The following FANCI variants were observed in gnomAD, a reference collection of about 807,000 sequenced individuals.
The protein encoded by FANCI is FA complementation group I, also known as Fanconi anemia group I protein.
FANCI carries 156 observed loss-of-function variants against 176.1 expected under a neutral mutation model. That is an observed-to-expected ratio of 0.89 (90% CI 0.78 to 1.01). FANCI has a LOEUF of 1.01. FANCI is among the 50% of genes least tolerant of loss of function. The probability of loss-of-function intolerance (pLI) is 0.00; values close to 1 mark genes in which losing one functional copy is unlikely to be tolerated. For missense variants in FANCI, 1,678 were observed against 1,534.1 expected (o/e 1.09, Z -1.57); for synonymous variants, 613 against 541.7 (o/e 1.13, Z -1.83).
At chr15:89,261,779 C>T in intron 5 of FANCI, 38 bp downstream of exon 5, 2 of 1,614,066 alleles carry the variant, frequency 1.2e-6, no homozygotes, top group Non-Finnish European at 1.7e-6. Flanking sequence ...TTTCTCTATG[C>T]ACATAATCAA....
At chr15:89,283,076 A>G in intron 16 of FANCI, 60 bp from the exon 17 acceptor site, 2 of 1,560,776 alleles carry the variant, frequency 1.3e-6, no homozygotes, top group Non-Finnish European at 1.8e-6. Flanking sequence ...GATTTTTCTG[A>G]CCCAGAAGCA....
At chr15:89,300,836 G>A (rs2054500215) in intron 26 of FANCI, among the ~76,000 whole-genome samples, 1 of 152,228 alleles carries the variant, frequency 6.6e-6, no homozygotes, top group African/African-American at 2.4e-5. Context: ...CCTACCATGT[G>A]CCAGAAACAG....
intron 28 of FANCI, among the ~76,000 whole-genome samples, chr15:89,304,877 A>G (rs980066283): frequency 6.6e-6 from 1 of 152,122 alleles, no homozygotes; most frequent in Non-Finnish European, 1.5e-5. Context: ...CCTGGGTTCA[A>G]GCAATTCTCG....
intron 17 of FANCI, 32 bp from the exon 18 acceptor site, chr15:89,285,064 G>T (rs1555446689): frequency 1.2e-6 from 2 of 1,613,636 alleles, no homozygotes; most frequent in Admixed American, 3.3e-5. Flanking sequence ...GCTTTGGTAA[G>T]ATAGACGTGA....
rs2055281073 is a variant in FANCI, at chr15:89,316,782, G to A, written c.*323G>A. ...TCCAGGCTGGCTTCGTTTTTCCAAG[G>A]AGCCTTTGGTGAGTTCAATTATCTG... On this transcript the variant is annotated 3_prime_UTR_variant, in exon 38 of 38. Transcript: ENST00000310775. The A allele has an allele frequency of 6.2e-7, 1 of 1,613,912 alleles. No homozygotes were observed. Among genetic ancestry groups the A allele is most frequent in the Non-Finnish European group, 8.5e-7 (1 of 1,179,934 alleles).
intron 2 of FANCI, among the ~76,000 whole-genome samples, chr15:89,249,071 CT>C (rs1438266943): frequency 6.6e-6 from 1 of 152,128 alleles, no homozygotes; most frequent in African/African-American, 2.4e-5. Context: ...TTAGATTCAT[CT>C]TGTTTTACTC....
At chr15:89,292,491 C>CG (rs1056859448) in intron 20 of FANCI, among the ~76,000 whole-genome samples, 197 bp from the exon 21 acceptor site, 5 of 152,104 alleles carry the variant, frequency 3.3e-5, no homozygotes, top group African/African-American at 1.2e-4. Context: ...GGCCAATTTT[C>CG]GGGGGGAAGC....
intron 11 of FANCI, 65 bp downstream of exon 11, chr15:89,273,534 A>T: frequency 1.1e-6 from 1 of 876,268 alleles, no homozygotes; most frequent in Non-Finnish European, 1.8e-6. Flanking sequence ...AAAAAAAAAA[A>T]ATCACAGTAA....
intron 2 of FANCI, among the ~76,000 whole-genome samples, chr15:89,255,286 T>C (rs1363623273): frequency 6.6e-6 from 1 of 152,148 alleles, no homozygotes; most frequent in Non-Finnish European, 1.5e-5. Context: ...ACCATGCCCT[T>C]TTTAGTGTAT....
chr15:89,316,518 C>A lies in FANCI; in HGVS notation c.*59C>A. On this transcript the variant is annotated 3_prime_UTR_variant, in exon 38 of 38. Transcript: ENST00000310775. ...TTCTGCTTCATTTTTACCCAACAAG[C>A]AACAATGCCCCTTGTCCTGTAGTCC... 1 of 1,515,416 alleles carries A rather than the reference C, an allele frequency of 6.6e-7. No individual in the cohort carries two copies. Among genetic ancestry groups the A allele is most frequent in the Non-Finnish European group, 9.0e-7 (1 of 1,106,360 alleles). 93.9% of individuals were successfully genotyped at this position (1,515,416 alleles called of 1,614,324 possible).
intron 24 of FANCI, among the ~76,000 whole-genome samples, chr15:89,295,802 C>G (rs2054245052): frequency 1.5e-5 from 2 of 132,636 alleles, no homozygotes; most frequent in Admixed American, 1.7e-4. Flanking sequence ...TTGAGAGAGT[C>G]TCGCTCTATT....
At chr15:89,263,138 A>G (rs2052785551) in intron 6 of FANCI, among the ~76,000 whole-genome samples, 1 of 152,210 alleles carries the variant, frequency 6.6e-6, no homozygotes, top group South Asian at 2.1e-4. Flanking sequence ...TTTAAAGTTG[A>G]TAACTACTGC....
At chr15:89,299,322 A>G (rs534465445) in intron 24 of FANCI, among the ~76,000 whole-genome samples, 24 of 152,344 alleles carry the variant, frequency 1.6e-4, no homozygotes, top group African/African-American at 5.8e-4. Context: ...CCAAACATTT[A>G]AGGGAGAAGT....
rs574349233 is a variant in FANCI, at chr15:89,316,509, C to T, written c.*50C>T. The stretch of plus-strand genomic sequence containing the variant: ...CTTTGGGGCTTCTGCTTCATTTTTA[C>T]CCAACAAGCAACAATGCCCCTTGTC... On this transcript the variant is annotated 3_prime_UTR_variant, in exon 38 of 38. Coordinates refer to ENST00000310775, the MANE Select transcript of FANCI (RefSeq NM_001113378.2). 1.2e-4 allele frequency: 182 copies of T among 1,554,356 alleles called. 1 individual carries two copies. In the South Asian group the frequency reaches 1.9e-3, roughly 16 times the overall value.
Position 89,317,031 on chromosome 15 carries a change from G to A in FANCI, c.*572G>A. The A allele has an allele frequency of 1.7e-6, 1 of 602,692 alleles. No individual in the cohort carries two copies. The highest frequency in any genetic ancestry group is 2.9e-6 in the Non-Finnish European group (1 of 341,534). The allele number at this position is 602,692 out of a possible 1,614,324, so 37.3% of individuals were successfully genotyped here. A position where few individuals can be genotyped will look rare whatever the true frequency, so the allele number is the denominator to read the frequency against. On this transcript the variant is annotated 3_prime_UTR_variant, in exon 38 of 38. Transcript: ENST00000310775. ...TAGATATATTTTAAATAGAAAATAA[G>A]CTTTCTGATTTACTTGTTTGGTATT...
chr15:89,274,141 C>A, intron 11 of FANCI, 27 bp from the exon 12 acceptor site: 2 of 1,476,402 alleles, frequency 1.4e-6, no homozygotes, highest in South Asian at 1.3e-5. Context: ...TTTATTTTTT[C>A]ATTTATTTTT....
rs770437879 is a variant in FANCI, at chr15:89,291,678, G to C, written c.1956G>C (p.Leu652=). 2.5e-6 allele frequency: 4 copies of C among 1,613,602 alleles called. No homozygotes were observed. The highest frequency in any genetic ancestry group is 2.5e-6 in the Non-Finnish European group (3 of 1,179,812). ...CTCTGAAATTAGAAGCTTGTATTCT[G>C]ACCCAAGGAGATAAGATCTCTCTAC... ...LPPLKLEACI[L]TQGDKISLQE... is the part of the protein sequence containing the mutation. Residue 652 remains leucine, a synonymous_variant, in exon 20 of 38, where the codon CTG becomes CTC. Transcript: ENST00000310775.
intron 18 of FANCI, 123 bp from the exon 19 acceptor site, chr15:89,290,090 A>G: frequency 2.5e-6 from 2 of 798,398 alleles, no homozygotes; most frequent in East Asian, 5.2e-5. Context: ...AGGACTGTCA[A>G]ATATGGTCTC....
chr15:89,258,367 C>G (rs1269371903), intron 2 of FANCI, among the ~76,000 whole-genome samples: 3 of 152,068 alleles, frequency 2.0e-5, no homozygotes, highest in African/African-American at 7.2e-5. Context: ...GTTATGAACT[C>G]TGAGTCAAAT....
Sources: gnomAD v4.1 joint callset for allele counts (sites outside exome capture counted in the v4.1 genomes callset) on GRCh38, gnomAD v4.1.1 for gene constraint, MANE v1.5 for transcripts, NCBI Gene and HGNC (gene_info 2026-07-23, HGNC 2026-07-21) for gene names.